The following SRD5A2 variants were observed in gnomAD, a reference collection of about 807,000 sequenced individuals.
The protein encoded by SRD5A2 is steroid 5 alpha-reductase 2.
SRD5A2 carries 30 observed loss-of-function variants against 27.4 expected under a neutral mutation model. That is an observed-to-expected ratio of 1.10 (90% confidence interval 0.82 to 1.49). The LOEUF (loss-of-function observed/expected upper bound fraction) is 1.49. Among genes scored for constraint, SRD5A2 ranks in the 40% most tolerant of loss-of-function variants. The pLI, the probability that SRD5A2 is intolerant of heterozygous loss-of-function variation, is 0.00. For missense variants in SRD5A2, 348 were observed against 323.4 expected, an observed-to-expected ratio of 1.08 and a Z score of -0.58; for synonymous variants, 141 against 133.6, an observed-to-expected ratio of 1.06 and a Z score of -0.38.
chr2:31,644,515 T>C, the SRD5A2 span, among the ~76,000 whole-genome samples: 12 of 152,314 alleles, frequency 7.9e-5, no homozygotes, highest in African/African-American at 2.2e-4. Flanking sequence ...ATCCCTCGCA[T>C]GTGCAGTTCA....
the SRD5A2 span, among the ~76,000 whole-genome samples, chr2:31,598,499 AC>A: frequency 1.5e-4 from 23 of 151,928 alleles, no homozygotes; most frequent in African/African-American, 5.6e-4. Flanking sequence ...TAAGATAAAA[AC>A]AAAAAAAAAG....
the SRD5A2 span, among the ~76,000 whole-genome samples, chr2:31,607,301 T>G: frequency 6.6e-6 from 1 of 151,812 alleles, no homozygotes; most frequent in Non-Finnish European, 1.5e-5. Flanking sequence ...AGGTTCTCAA[T>G]AAGCAACAAA....
chr2:31,531,485 G>A lies in SRD5A2; in HGVS notation c.446-13C>T. The A allele has an allele frequency of 6.5e-7, 1 of 1,549,982 alleles. No homozygotes were observed. Among genetic ancestry groups the A allele is most frequent in the Non-Finnish European group, 8.8e-7 (1 of 1,138,704 alleles). On this transcript the variant is annotated splice_polypyrimidine_tract_variant and intron_variant, in intron 2 of 4. Transcript: ENST00000622030. The stretch of plus-strand genomic sequence containing the variant: ...AATAAGAAGACACCTTGACAAAGAA[G>A]AGAGAAAGGAGAAATTTTTTTTAAA...
the SRD5A2 span, among the ~76,000 whole-genome samples, chr2:31,656,700 A>G: frequency 2.6e-5 from 4 of 152,138 alleles, no homozygotes; most frequent in African/African-American, 9.7e-5. Context: ...CACTGAACCT[A>G]CAGTCACCTT....
intron 1 of SRD5A2, among the ~76,000 whole-genome samples, chr2:31,543,974 T>C (rs1447108156): frequency 1.3e-5 from 2 of 151,636 alleles, no homozygotes; most frequent in African/African-American, 2.4e-5. Flanking sequence ...CACAAATAAA[T>C]TGAAAGTGGA....
chr2:31,640,325 C>T, the SRD5A2 span, among the ~76,000 whole-genome samples: 1 of 151,980 alleles, frequency 6.6e-6, no homozygotes, highest in Non-Finnish European at 1.5e-5. Context: ...GACAAATCAC[C>T]TTCTTGTTAG....
intron 1 of SRD5A2, among the ~76,000 whole-genome samples, chr2:31,558,908 T>C (rs62141236): frequency 0.067 from 10,234 of 152,292 alleles, 495 homozygotes; most frequent in Non-Finnish European, 0.099. Flanking sequence ...TTACTCAGAA[T>C]GTAACCACAA....
the SRD5A2 span, among the ~76,000 whole-genome samples, chr2:31,642,978 T>C: frequency 0.71 from 107,212 of 151,810 alleles, 38,099 homozygotes; most frequent in Middle Eastern, 0.74. Flanking sequence ...TAAAGTTAAT[T>C]TACGGTGGAA....
At chr2:31,560,978 C>G (rs965771198) in intron 1 of SRD5A2, among the ~76,000 whole-genome samples, 1 of 152,136 alleles carries the variant, frequency 6.6e-6, no homozygotes, top group African/African-American at 2.4e-5. Context: ...AAATATTGCT[C>G]AAAGTTCCCA....
chr2:31,649,163 C>T, the SRD5A2 span, among the ~76,000 whole-genome samples: 5 of 152,174 alleles, frequency 3.3e-5, no homozygotes, highest in African/African-American at 1.2e-4. Flanking sequence ...TGCTATGTTT[C>T]CCACATTTTA....
At chr2:31,633,551 A>C in the SRD5A2 span, among the ~76,000 whole-genome samples, 4 of 152,186 alleles carry the variant, frequency 2.6e-5, no homozygotes, top group Non-Finnish European at 5.9e-5. Flanking sequence ...GATGCAGTCC[A>C]TGACTAAGAT....
chr2:31,548,937 C>A (rs11690694), intron 1 of SRD5A2, among the ~76,000 whole-genome samples: 3,281 of 151,838 alleles, frequency 0.022, 72 homozygotes, highest in African/African-American at 0.049. Context: ...CATGGATGAA[C>A]CCTGAGAGCA....
At chr2:31,529,490 G>T in intron 3 of SRD5A2, 33 bp from the exon 4 acceptor site, 4 of 1,604,582 alleles carry the variant, frequency 2.5e-6, no homozygotes, top group Non-Finnish European at 3.4e-6. Context: ...GTCAATCATT[G>T]CAACTGAATC....
chr2:31,622,791 AC>A, the SRD5A2 span, among the ~76,000 whole-genome samples: 1 of 152,026 alleles, frequency 6.6e-6, no homozygotes, highest in Admixed American at 6.6e-5. Flanking sequence ...TCTCAGTCCA[AC>A]CACTGAGCTG....
the SRD5A2 span, among the ~76,000 whole-genome samples, chr2:31,598,850 A>C: frequency 3.7e-4 from 56 of 152,180 alleles, no homozygotes; most frequent in African/African-American, 1.3e-3. Context: ...AAATTGAGTA[A>C]ATTCTGCAAT....
At chr2:31,641,793 C>G in the SRD5A2 span, among the ~76,000 whole-genome samples, 2 of 152,118 alleles carry the variant, frequency 1.3e-5, no homozygotes, top group South Asian at 4.2e-4. Flanking sequence ...AAACAACACT[C>G]TTTGGATCAC....
At chr2:31,531,327 G>T in intron 3 of SRD5A2, 44 bp downstream of exon 3, 1 of 1,375,830 alleles carries the variant, frequency 7.3e-7, no homozygotes, top group Non-Finnish European at 1.0e-6. Context: ...CCCTGGGACA[G>T]GCTCCAGGGA....
At chr2:31,546,965 G>T (rs1446878510) in intron 1 of SRD5A2, among the ~76,000 whole-genome samples, 2 of 152,060 alleles carry the variant, frequency 1.3e-5, no homozygotes, top group East Asian at 1.9e-4. Context: ...AGGCGTGGTG[G>T]CACATGCCTG....
the SRD5A2 span, among the ~76,000 whole-genome samples, chr2:31,643,042 G>C: frequency 6.6e-6 from 1 of 152,034 alleles, no homozygotes; most frequent in African/African-American, 2.4e-5. Flanking sequence ...GCATGGGAAG[G>C]GACATGGAAA....
Sources: gnomAD v4.1 joint callset for allele counts (sites outside exome capture counted in the v4.1 genomes callset) on GRCh38, gnomAD v4.1.1 for gene constraint, MANE v1.5 for transcripts, NCBI Gene and HGNC (gene_info 2026-07-23, HGNC 2026-07-21) for gene names.